MYOM1: variants seen among roughly 807,000 people sequenced by gnomAD.
MYOM1 encodes the protein myomesin 1.
In MYOM1, 164 loss-of-function variants were observed where a neutral mutation model predicts 205.3. The observed-to-expected ratio is 0.80, with a 90% CI of 0.70 to 0.91. The LOEUF (loss-of-function observed/expected upper bound fraction) is 0.91. MYOM1 is among the 40% of genes least tolerant of loss of function. MYOM1 has a pLI of 0.00. For synonymous variants in MYOM1, 772 were observed against 789.4 expected, an observed-to-expected ratio of 0.98 and a Z score of 0.37; for missense variants, 2,011 against 2,127.3, an observed-to-expected ratio of 0.95 and a Z score of 1.08.
At chr18:3,241,710 C>T in the MYOM1 span, among the ~76,000 whole-genome samples, 3 of 152,208 alleles carry the variant, frequency 2.0e-5, no homozygotes, top group African/African-American at 7.2e-5. Flanking sequence ...GATGGATACA[C>T]CGACAACTTG....
chr18:3,231,454 G>A, the MYOM1 span, among the ~76,000 whole-genome samples: 2 of 150,420 alleles, frequency 1.3e-5, no homozygotes, highest in African/African-American at 4.9e-5. Context: ...ACCCTTGAGA[G>A]AAAACCTGAA....
intron 26 of MYOM1, chr18:3,093,431 T>G (rs1431505459): frequency 6.6e-6 from 1 of 152,160 alleles, no homozygotes; most frequent in African/African-American, 2.4e-5. Context: ...ATGTTTATGT[T>G]AAAAGGAAAG....
Position 3,079,129 on chromosome 18 carries a change from A to AT in MYOM1, c.4648+49_4648+50insA, listed in dbSNP as rs1487598459. The AT allele has an allele frequency of 3.2e-6, 5 of 1,586,996 alleles. No individual in the cohort carries two copies. The African/African-American group carries it at 4.0e-5, about 13-fold the overall frequency. ...TGCCCAACTCCCTTCATTCCTTTTAAAAGGCTCATTCATCTAGAGTAAATT... is the reference window on the plus strand; with the variant it reads ...TGCCCAACTCCCTTCATTCCTTTTAATAAGGCTCATTCATCTAGAGTAAATT... On this transcript the variant is annotated intron_variant, in intron 34 of 37. Coordinates refer to ENST00000356443, the MANE Select transcript of MYOM1 (RefSeq NM_003803.4).
chr18:3,234,779 G>A, the MYOM1 span, among the ~76,000 whole-genome samples: 4 of 152,092 alleles, frequency 2.6e-5, no homozygotes, highest in Non-Finnish European at 5.9e-5. Flanking sequence ...TACCCTGCAT[G>A]TTCTGCAGCT....
intron 2 of MYOM1, among the ~76,000 whole-genome samples, chr18:3,204,241 T>A (rs1418071835): frequency 6.6e-6 from 1 of 151,996 alleles, no homozygotes; most frequent in East Asian, 1.9e-4. Flanking sequence ...TAGTGGAGGT[T>A]CTAGTCTGGG....
At chr18:3,185,624 G>C (rs1046922995) in intron 5 of MYOM1, among the ~76,000 whole-genome samples, 2 of 152,082 alleles carry the variant, frequency 1.3e-5, no homozygotes, top group African/African-American at 2.4e-5. Context: ...TCACAGAGAA[G>C]GGCAGGCAAA....
At chr18:3,131,135 A>G (rs1348826819) in intron 17 of MYOM1, among the ~76,000 whole-genome samples, 1 of 152,212 alleles carries the variant, frequency 6.6e-6, no homozygotes, top group Non-Finnish European at 1.5e-5. Context: ...TATCTGAGGA[A>G]ACTTGGGTTC....
intron 2 of MYOM1, among the ~76,000 whole-genome samples, chr18:3,202,810 A>G (rs1193208181): frequency 6.6e-6 from 1 of 152,092 alleles, no homozygotes; most frequent in East Asian, 1.9e-4. Context: ...AATCACCTTG[A>G]CGTGACTGAT....
rs1218587251 is a variant in MYOM1 at position 3,083,800 on chromosome 18, G to A, written c.4473C>T (p.Asn1491=). The change falls in exon 33 of 38, where the codon AAC becomes AAT. Residue 1491 remains asparagine (N), a synonymous_variant. Coordinates refer to ENST00000356443, the MANE Select transcript of MYOM1 (RefSeq NM_003803.4). ...TCTCATTTACTTACTTGTGGGACCAGTTAACTTTCAAATCCTCCACATAGT... is the reference window on the plus strand; with the variant it reads ...TCTCATTTACTTACTTGTGGGACCAATTAACTTTCAAATCCTCCACATAGT... ...VTYYVEDLKV[N]WSHNGSAIRY... 5.1e-6 allele frequency: 8 copies of A among 1,569,682 alleles called. No individual in the cohort carries two copies. In the Admixed American group the frequency reaches 5.6e-5, roughly 11 times the overall value.
At position 3,151,819 on chromosome 18, in the gene MYOM1, C is replaced by T; in HGVS notation, c.1718G>A (p.Gly573Glu). 2 of 1,613,838 alleles carry T rather than the reference C, an allele frequency of 1.2e-6. No individual in the cohort carries two copies. The highest frequency in any genetic ancestry group is 1.7e-6 in the Non-Finnish European group (2 of 1,179,780). Residue 573 changes from glycine to glutamate, a missense_variant, in exon 12 of 38, where the codon GGA becomes GAA. Physicochemically the swap from Gly to Glu is moderately conservative, Grantham distance 98. Transcript: ENST00000356443. Reference protein sequence around the residue: ...PVKFARFPVTGLIEGRSYIFR... With the variant: ...PVKFARFPVTELIEGRSYIFR... ...GATATAGGAACGACCTTCGATCAAT[C>T]CAGTGACAGGAAAACGAGCAAACTT... is the stretch of plus-strand genomic sequence containing the variant.
intron 10 of MYOM1, among the ~76,000 whole-genome samples, chr18:3,160,815 G>A (rs1459840676): frequency 5.3e-5 from 8 of 152,102 alleles, no homozygotes; most frequent in Admixed American, 5.2e-4. Flanking sequence ...GCTGGCTTAA[G>A]TATAAATTTT....
upstream of MYOM1, among the ~76,000 whole-genome samples, chr18:3,224,809 G>A (rs7238780): frequency 0.12 from 18,392 of 151,496 alleles, 1,576 homozygotes; most frequent in African/African-American, 0.24. Context: ...GATTGCAGGC[G>A]CCCACCACCA....
chr18:3,130,065 T>G (rs74686132), intron 17 of MYOM1, among the ~76,000 whole-genome samples: 1 of 151,720 alleles, frequency 6.6e-6, no homozygotes, highest in Non-Finnish European at 1.5e-5. Flanking sequence ...TTTTTTTTTT[T>G]GGAGTCTCAC....
chr18:3,145,513 T>C (rs1049771769), intron 13 of MYOM1, among the ~76,000 whole-genome samples: 1 of 152,108 alleles, frequency 6.6e-6, no homozygotes, highest in East Asian at 1.9e-4. Flanking sequence ...ATTTAGTAAC[T>C]AAATAACATA....
chr18:3,140,935 G>A (rs1385442475), intron 14 of MYOM1, among the ~76,000 whole-genome samples: 1 of 152,050 alleles, frequency 6.6e-6, no homozygotes, highest in South Asian at 2.1e-4. Context: ...CTAAAAAATG[G>A]TGCATCACTA....
chr18:3,233,742 A>G, the MYOM1 span, among the ~76,000 whole-genome samples: 2 of 152,240 alleles, frequency 1.3e-5, no homozygotes, highest in East Asian at 1.9e-4. Context: ...GAAGAACTCA[A>G]TCAAAGTCCA....
chr18:3,214,668 A>G (rs1210648261), intron 2 of MYOM1, among the ~76,000 whole-genome samples: 1 of 152,084 alleles, frequency 6.6e-6, no homozygotes, highest in East Asian at 1.9e-4. Context: ...CACTAAAAAC[A>G]CGACATGAGC....
rs1216402601 is a variant in MYOM1 at position 3,085,080 on chromosome 18, C to T, written c.4304G>A (p.Gly1435Glu). 6.2e-7 allele frequency: 1 copy of T among 1,609,048 alleles called. No individual in the cohort carries two copies. The highest frequency in any genetic ancestry group is 8.5e-7 in the Non-Finnish European group (1 of 1,177,632). The stretch of plus-strand genomic sequence containing the variant: ...AAGCTTCAGTCTGCTCTTATCTTTT[C>T]CTCGGTCATCTTTCAGGATAACTTC... ...IYEVILKDDRGKDKSRLKLVD... is the reference protein window; with the variant it reads ...IYEVILKDDREKDKSRLKLVD... Residue 1435 changes from glycine (G) to glutamate (E), a missense_variant, in exon 31 of 38, where the codon GGA becomes GAA. Physicochemically the swap from Gly to Glu is moderately conservative, Grantham distance 98. Transcript: ENST00000356443.
At chr18:3,208,284 T>G (rs1438658699) in intron 2 of MYOM1, among the ~76,000 whole-genome samples, 1 of 151,996 alleles carries the variant, frequency 6.6e-6, no homozygotes. Flanking sequence ...CCAAGGTGGG[T>G]GGATTGTCCG....
Sources: gnomAD v4.1 joint callset for allele counts (sites outside exome capture counted in the v4.1 genomes callset) on GRCh38, gnomAD v4.1.1 for gene constraint, MANE v1.5 for transcripts, NCBI Gene and HGNC (gene_info 2026-07-23, HGNC 2026-07-21) for gene names.